IKZF2: variants seen among roughly 807,000 people sequenced by gnomAD.
The protein encoded by IKZF2 is IKAROS family zinc finger 2.
Under a neutral mutation model 49.2 loss-of-function variants are expected in IKZF2, and 15 were observed. That is an observed-to-expected ratio of 0.30 (90% CI 0.20 to 0.47). The LOEUF (loss-of-function observed/expected upper bound fraction) is 0.47, where lower values mean the gene tolerates loss of function less well. Among genes scored for constraint, IKZF2 ranks in the 20% least tolerant of loss-of-function variants. IKZF2 has a pLI of 1.00. For synonymous variants in IKZF2, 227 were observed against 221.4 expected (o/e 1.03, Z -0.23); for missense variants, 567 against 664.6 (o/e 0.85, Z 1.61).
chr2:213,137,628 A>G (rs1275488662), intron 4 of IKZF2, among the ~76,000 whole-genome samples: 1 of 152,100 alleles, frequency 6.6e-6, no homozygotes, highest in Non-Finnish European at 1.5e-5. Flanking sequence ...AAATAAAGTC[A>G]TCTACTTCAG....
chr2:213,092,945 G>A (rs1372838632), intron 4 of IKZF2, among the ~76,000 whole-genome samples: 1 of 152,084 alleles, frequency 6.6e-6, no homozygotes, highest in Non-Finnish European at 1.5e-5. Context: ...TCCTCCCCAG[G>A]AACCAGCTTT....
chr2:213,096,925 CA>C (rs1706064608), intron 4 of IKZF2, among the ~76,000 whole-genome samples: 1 of 151,858 alleles, frequency 6.6e-6, no homozygotes, highest in African/African-American at 2.4e-5. Context: ...GTGAGTAAAA[CA>C]TGGTATTTTA....
chr2:213,127,090 C>T (rs975054023), intron 4 of IKZF2, among the ~76,000 whole-genome samples: 70 of 152,266 alleles, frequency 4.6e-4, no homozygotes, highest in African/African-American at 1.6e-3. Context: ...TTACAGGACA[C>T]GGTTTGTAAC....
At position 213,003,876 on chromosome 2, in the gene IKZF2, A is replaced by T. The variant is rs949509904; in HGVS notation, c.*3484T>A. ...CTGAATTTTCTTCGTATTCCAAAAA[A>T]CTTTACATTAAATATCTTTGAATGT... On this transcript the variant is annotated 3_prime_UTR_variant, in exon 9 of 9. Transcript: ENST00000434687. The T allele has an allele frequency of 1.3e-5, 2 of 151,832 alleles. No individual in the cohort carries two copies. The highest frequency in any genetic ancestry group is 3.0e-5 in the Non-Finnish European group (2 of 67,796). The allele number at this position is 151,832 out of a possible 1,614,324, so 9.4% of individuals were successfully genotyped here. A position where few individuals can be genotyped will look rare whatever the true frequency, so the allele number is the denominator to read the frequency against.
intron 4 of IKZF2, among the ~76,000 whole-genome samples, chr2:213,082,259 G>A (rs1704035427): frequency 6.6e-6 from 1 of 152,092 alleles, no homozygotes; most frequent in Non-Finnish European, 1.5e-5. Flanking sequence ...CTAAGTTTGA[G>A]GAATAAATAC....
chr2:213,085,251 A>G (rs6751054), intron 4 of IKZF2, among the ~76,000 whole-genome samples: 8,262 of 152,286 alleles, frequency 0.054, 743 homozygotes, highest in African/African-American at 0.19. Flanking sequence ...AAAAGGCACT[A>G]AAGAGCAATT....
chr2:213,051,775 T>C (rs1700702305), intron 5 of IKZF2, among the ~76,000 whole-genome samples: 2 of 151,936 alleles, frequency 1.3e-5, no homozygotes, highest in African/African-American at 4.8e-5. Context: ...ATATTATACT[T>C]TTCACTCCAA....
At chr2:213,021,849 G>A in intron 7 of IKZF2, 144 bp downstream of exon 7, 1 of 846,994 alleles carries the variant, frequency 1.2e-6, no homozygotes, top group Non-Finnish European at 1.8e-6. Flanking sequence ...TTTCAATACA[G>A]ATTATTTGCA....
chr2:213,015,877 A>G (rs752109483), intron 7 of IKZF2, among the ~76,000 whole-genome samples: 1 of 152,084 alleles, frequency 6.6e-6, no homozygotes, highest in Non-Finnish European at 1.5e-5. Flanking sequence ...TGAAATGAGT[A>G]GTCCAAAACC....
intron 4 of IKZF2, among the ~76,000 whole-genome samples, chr2:213,131,774 TG>T (rs1269941462): frequency 6.6e-6 from 1 of 152,176 alleles, no homozygotes; most frequent in Non-Finnish European, 1.5e-5. Flanking sequence ...ATTTGGTCTC[TG>T]GTATCCTCAA....
chr2:213,042,136 A>G (rs1699725619), intron 6 of IKZF2, among the ~76,000 whole-genome samples: 3 of 150,478 alleles, frequency 2.0e-5, no homozygotes, highest in African/African-American at 4.9e-5. Context: ...TAGACAGCAC[A>G]TTTTTTTTTT....
rs140086223 is a variant in IKZF2, at chr2:213,144,021, C to T, written c.139+3687G>A. On this transcript the variant is annotated intron_variant, in intron 4 of 8. Coordinates refer to ENST00000434687, the MANE Select transcript of IKZF2 (RefSeq NM_001387220.1). ...TCTCTAAGAGGTAAATTGATTTCTTCAAGCCTCAATTTCCACATATGAAAA... is the reference window on the plus strand; with the variant it reads ...TCTCTAAGAGGTAAATTGATTTCTTTAAGCCTCAATTTCCACATATGAAAA... Among the ~76,000 whole-genome samples the T allele has an allele frequency of 5.8e-3, 885 of 151,996 alleles. 13 individuals are homozygous for T. Among genetic ancestry groups the T allele is most frequent in the African/African-American group, 0.021 (856 of 41,532 alleles).
At chr2:213,044,267 T>C (rs1337697833) in intron 6 of IKZF2, among the ~76,000 whole-genome samples, 7 of 152,230 alleles carry the variant, frequency 4.6e-5, no homozygotes, top group Middle Eastern at 6.3e-3. Context: ...TTCCTACTAC[T>C]GTAAACCCAG....
intron 4 of IKZF2, among the ~76,000 whole-genome samples, chr2:213,106,963 A>G (rs1177235135): frequency 2.0e-5 from 3 of 152,222 alleles, no homozygotes; most frequent in Admixed American, 2.0e-4. Flanking sequence ...CAAGAAAGCC[A>G]TTATATGATA....
chr2:213,046,420 T>C lies in IKZF2; in HGVS notation c.574+3293A>G, dbSNP rs528037925. ...TCATGGGGTATTCTCAGTGACTAGT[T>C]GATGAGGATGAAACAGTGTGGATCT... On this transcript the variant is annotated intron_variant, in intron 6 of 8. Transcript: ENST00000434687. 3.9e-5 allele frequency among the ~76,000 whole-genome samples: 6 copies of C among 152,230 alleles called. No homozygotes were observed. The East Asian group carries it at 1.2e-3, about 29-fold the overall frequency.
At chr2:213,038,506 T>A (rs1012010153) in intron 6 of IKZF2, among the ~76,000 whole-genome samples, 6 of 151,986 alleles carry the variant, frequency 3.9e-5, no homozygotes, top group Non-Finnish European at 8.8e-5. Flanking sequence ...CTTGCAGCTA[T>A]CCCATCTTAT....
chr2:213,076,031 C>CT lies in IKZF2; in HGVS notation c.140-18933_140-18932insA, dbSNP rs569801525. ...TATACAAATTTAAAACACACAGACA[C>CT]ACTAATGACTATGTTTTTAAATCAC... is the stretch of plus-strand genomic sequence containing the variant. On this transcript the variant is annotated intron_variant, in intron 4 of 8. Transcript: ENST00000434687. Among the ~76,000 whole-genome samples the CT allele has an allele frequency of 1.8e-4, 27 of 152,178 alleles. No homozygotes were observed. In the South Asian group the frequency reaches 5.2e-3, roughly 29 times the overall value.
At chr2:213,125,802 C>T (rs189266581) in intron 4 of IKZF2, among the ~76,000 whole-genome samples, 2 of 151,732 alleles carry the variant, frequency 1.3e-5, no homozygotes, top group African/African-American at 4.9e-5. Flanking sequence ...ATTATATGCA[C>T]CCAAGAACAA....
chr2:213,096,490 A>G (rs1397130725), intron 4 of IKZF2, among the ~76,000 whole-genome samples: 1 of 151,982 alleles, frequency 6.6e-6, no homozygotes, highest in Non-Finnish European at 1.5e-5. Context: ...TATATAATAT[A>G]CTATAAAGTA....
Sources: allele counts gnomAD v4.1 joint callset (sites outside exome capture counted in the v4.1 genomes callset), GRCh38; gene constraint gnomAD v4.1.1; transcripts MANE v1.5; gene names NCBI Gene and HGNC (gene_info 2026-07-23, HGNC 2026-07-21).